ANKLE2: variants seen among roughly 807,000 people sequenced by gnomAD.
ANKLE2 encodes the protein ankyrin repeat and LEM domain containing 2, also known as ankyrin repeat and LEM domain-containing protein 2.
Under a neutral mutation model 84.2 loss-of-function variants are expected in ANKLE2, and 55 were observed. That is an observed-to-expected ratio of 0.65 (90% CI 0.53 to 0.82). The LOEUF (loss-of-function observed/expected upper bound fraction) is 0.82. ANKLE2 is among the 40% of genes least tolerant of loss of function. The pLI, the probability that ANKLE2 is intolerant of heterozygous loss-of-function variation, is 0.00. For synonymous variants in ANKLE2, 551 were observed against 486.1 expected (o/e 1.13, Z -1.76); for missense variants, 1,238 against 1,201.9 (o/e 1.03, Z -0.44).
At chr12:132,760,516 G>C (rs1205712225) in intron 1 of ANKLE2, 1 of 152,272 alleles carries the variant, frequency 6.6e-6, no homozygotes, top group Non-Finnish European at 1.5e-5. Context: ...GCTTGGGACC[G>C]ACGGGGCGTA....
At chr12:132,759,159 CGCTGCGG>C (rs2044555628) in intron 1 of ANKLE2, 1 of 36,900 alleles carries the variant, frequency 2.7e-5, no homozygotes, top group Non-Finnish European at 5.4e-5. Flanking sequence ...CAGAGAGGAT[CGCTGCGG>C]AGTGGCACCC....
chr12:132,731,515 GACAC>G (rs921110928), intron 10 of ANKLE2: 14 of 147,208 alleles, frequency 9.5e-5, no homozygotes, highest in African/African-American at 3.6e-4. Flanking sequence ...AACTCACACA[GACAC>G]ACACTCACAC....
chr12:132,733,101 T>C (rs2043923170), intron 10 of ANKLE2, among the ~76,000 whole-genome samples: 2 of 144,472 alleles, frequency 1.4e-5, no homozygotes, highest in East Asian at 2.2e-4. Context: ...TGAAGCTCTC[T>C]GCGTCCTGGT....
chr12:132,750,204 C>CAGAA (rs1409242575), intron 3 of ANKLE2, among the ~76,000 whole-genome samples: 3 of 79,446 alleles, frequency 3.8e-5, no homozygotes, highest in African/African-American at 1.0e-4. Context: ...GACTCCATCT[C>CAGAA]AAAAAAAAAA....
At chr12:132,736,267 C>T (rs7313293) in intron 8 of ANKLE2, among the ~76,000 whole-genome samples, 95,059 of 152,168 alleles carry the variant, frequency 0.62, 30,121 homozygotes, top group East Asian at 0.8. Context: ...GTTTTCATCG[C>T]AACTGATTTA....
chr12:132,736,776 T>C (rs1172838410), intron 8 of ANKLE2, 117 bp downstream of exon 8: 1 of 1,235,982 alleles, frequency 8.1e-7, no homozygotes, highest in African/African-American at 1.5e-5. Context: ...AGGACAACCT[T>C]GGGGCTCCAC....
Position 132,759,870 on chromosome 12 carries a change from A to G in ANKLE2, c.181+1748T>C, listed in dbSNP as rs564250739. 2.6e-5 allele frequency: 4 copies of G among 152,210 alleles called. No homozygotes were observed. The South Asian group carries it at 6.2e-4, about 24-fold the overall frequency. The allele number at this position is 152,210 out of a possible 1,614,324, so 9.4% of individuals were successfully genotyped here. ...GTGGTAGGGCCCGGTGCGATGGCTC[A>G]CACCTGTAATCCCAGCATTTTGGGA... On this transcript the variant is annotated intron_variant, in intron 1 of 12. Coordinates refer to ENST00000357997, the MANE Select transcript of ANKLE2 (RefSeq NM_015114.3).
chr12:132,756,132 T>C (rs1221690988), intron 1 of ANKLE2: 1 of 151,826 alleles, frequency 6.6e-6, no homozygotes, highest in Non-Finnish European at 1.5e-5. Context: ...GTTGTATTCT[T>C]TGGGAGGCAG....
At chr12:132,727,552 G>A (rs1316705419) in intron 12 of ANKLE2, 109 bp from the exon 13 acceptor site, 1 of 1,249,020 alleles carries the variant, frequency 8.0e-7, no homozygotes, top group Admixed American at 2.1e-5. Flanking sequence ...CCGGGCGGAG[G>A]AGAGGCACTG....
At chr12:132,751,123 T>C (rs997546157) in intron 2 of ANKLE2, 3 of 280,876 alleles carry the variant, frequency 1.1e-5, no homozygotes, top group Non-Finnish European at 1.9e-5. Context: ...CTAAATTTCA[T>C]ATAAAGATCT....
At position 132,743,045 on chromosome 12, in the gene ANKLE2, A is replaced by G; in HGVS notation, c.1353+109T>C. 9.5e-7 allele frequency: 1 copy of G among 1,052,174 alleles called. No homozygotes were observed. Among genetic ancestry groups the G allele is most frequent in the Non-Finnish European group, 1.3e-6 (1 of 763,446 alleles). 65.2% of individuals were successfully genotyped at this position (1,052,174 alleles called of 1,614,324 possible). A position where few individuals can be genotyped will look rare whatever the true frequency, so the allele number is the denominator to read the frequency against. ...AACATGTGCCCATAAAGCAAACACA[A>G]CTCATACAGAGCTCCTTGTGGCTTC... is the stretch of plus-strand genomic sequence containing the variant. On this transcript the variant is annotated intron_variant, in intron 6 of 12. Coordinates refer to ENST00000357997, the MANE Select transcript of ANKLE2 (RefSeq NM_015114.3). The surrounding 1 kb of genome is among the most constrained non-coding windows in gnomAD (Gnocchi z 4.1).
chr12:132,744,042 G>A (rs922447415), intron 5 of ANKLE2, among the ~76,000 whole-genome samples: 2 of 152,176 alleles, frequency 1.3e-5, no homozygotes, highest in Non-Finnish European at 1.5e-5. Context: ...CCAGGTCTCC[G>A]TCCATGACGC....
chr12:132,728,776 C>T (rs1566008478), intron 11 of ANKLE2, among the ~76,000 whole-genome samples: 1 of 152,186 alleles, frequency 6.6e-6, no homozygotes, highest in Admixed American at 6.5e-5. Flanking sequence ...GCAGGATCCA[C>T]CCGCTGTTAA....
chr12:132,742,121 C>CT, intron 6 of ANKLE2: 1 of 259,388 alleles, frequency 3.9e-6, no homozygotes, highest in South Asian at 3.6e-5. Context: ...AAGTCAAATG[C>CT]TTTTTAAAAT....
At chr12:132,734,743 A>C in intron 9 of ANKLE2, 168 bp from the exon 10 acceptor site, 1 of 661,556 alleles carries the variant, frequency 1.5e-6, no homozygotes, top group African/African-American at 1.8e-5. Context: ...GCATTTTCTG[A>C]AACAGCACGC....
intron 5 of ANKLE2, among the ~76,000 whole-genome samples, chr12:132,744,933 G>A (rs2044204107): frequency 1.3e-5 from 2 of 152,304 alleles, no homozygotes; most frequent in South Asian, 4.1e-4. Flanking sequence ...GCCTGCCTCG[G>A]CCTCCCAAAG....
chr12:132,750,838 CAT>C lies in ANKLE2; in HGVS notation c.650_651del (p.Tyr217CysfsTer3). The C allele has an allele frequency of 6.2e-7, 1 of 1,613,924 alleles. No homozygotes were observed. On this transcript the variant is annotated frameshift_variant, in exon 3 of 13. Transcript: ENST00000357997. LOFTEE classifies it high-confidence loss of function. Reference sequence around the variant, plus strand: ...AATGCTTCCTTTTTATTTTCATAAACATAGATCCTTTCTGGGTAAGAAAAGTA... The same window carrying C: ...AATGCTTCCTTTTTATTTTCATAAACAGATCCTTTCTGGGTAAGAAAAGTA... ...EDVPARNERI[Y>X]VYENKKEALQ... is the part of the protein sequence containing the mutation.
rs745402588 is a variant in ANKLE2 at position 132,734,621 on chromosome 12, A to C, written c.1701-46T>G. ...TTAACCAGCTGTGAAACCAGAAAAAATACTCAGAACTACACAGAAAAAAGC... is the reference window on the plus strand; with the variant it reads ...TTAACCAGCTGTGAAACCAGAAAAACTACTCAGAACTACACAGAAAAAAGC... On this transcript the variant is annotated intron_variant, in intron 9 of 12. Coordinates refer to ENST00000357997, the MANE Select transcript of ANKLE2 (RefSeq NM_015114.3). The C allele has an allele frequency of 3.1e-5, 49 of 1,559,048 alleles. No homozygotes were observed. In the Middle Eastern group the frequency reaches 5.1e-4, roughly 16 times the overall value.
chr12:132,748,354 A>T (rs2044284264), intron 3 of ANKLE2, 23 bp from the exon 4 acceptor site: 1 of 1,612,930 alleles, frequency 6.2e-7, no homozygotes, highest in Admixed American at 1.7e-5. Context: ...GACAGAATTT[A>T]AGAACAATCA....
Sources: allele counts gnomAD v4.1 joint callset (sites outside exome capture counted in the v4.1 genomes callset), GRCh38; gene constraint gnomAD v4.1.1; non-coding constraint Gnocchi (gnomAD v3.1); transcripts MANE v1.5; gene names NCBI Gene and HGNC (gene_info 2026-07-23, HGNC 2026-07-21).